Variants in WARS2 observed in about 807,000 individuals in gnomAD.
WARS2 encodes tryptophan--tRNA ligase, mitochondrial.
WARS2 carries 28 observed loss-of-function variants against 36.5 expected under a neutral mutation model. That is an observed-to-expected ratio of 0.77 (90% CI 0.57 to 1.05). WARS2 has a LOEUF of 1.05. Ranked by LOEUF, WARS2 falls within the 50% of genes least tolerant of loss-of-function variation. WARS2 has a pLI of 0.00. For synonymous variants in WARS2, 174 were observed against 178.4 expected, an observed-to-expected ratio of 0.98 and a Z score of 0.20; for missense variants, 435 against 456.8, an observed-to-expected ratio of 0.95 and a Z score of 0.44.
At chr1:119,111,249 A>C (rs1393357511) in intron 1 of WARS2, among the ~76,000 whole-genome samples, 1 of 152,176 alleles carries the variant, frequency 6.6e-6, no homozygotes, top group Non-Finnish European at 1.5e-5. Context: ...TTCAGTAAAC[A>C]GGCTTTTAAT....
intron 1 of WARS2, among the ~76,000 whole-genome samples, chr1:119,112,118 C>A (rs965400105): frequency 4.6e-5 from 7 of 152,060 alleles, no homozygotes; most frequent in Admixed American, 3.3e-4. Flanking sequence ...GACGGGGTTT[C>A]ACCATGTTGG....
At chr1:119,038,138 A>C (rs1350210055) in intron 4 of WARS2, among the ~76,000 whole-genome samples, 1 of 152,186 alleles carries the variant, frequency 6.6e-6, no homozygotes, top group Non-Finnish European at 1.5e-5. Flanking sequence ...TGCAGCCTGG[A>C]AACTACATTT....
At chr1:119,112,939 T>A (rs12727037) in intron 1 of WARS2, among the ~76,000 whole-genome samples, 5,876 of 152,230 alleles carry the variant, frequency 0.039, 125 homozygotes, top group Middle Eastern at 0.061. Context: ...AGAGTATTTG[T>A]AAGGCAGTGA....
chr1:119,105,339 C>T (rs1309002569), intron 1 of WARS2, among the ~76,000 whole-genome samples: 1 of 152,118 alleles, frequency 6.6e-6, no homozygotes, highest in Non-Finnish European at 1.5e-5. Context: ...GTCTTCTATA[C>T]ACAAATGTTA....
At chr1:119,138,737 AG>A (rs1260214007) in intron 1 of WARS2, among the ~76,000 whole-genome samples, 2 of 152,196 alleles carry the variant, frequency 1.3e-5, no homozygotes, top group African/African-American at 4.8e-5. Context: ...AATTATATGT[AG>A]ATTTATACTT....
At chr1:119,052,614 C>A (rs771854893) in intron 2 of WARS2, among the ~76,000 whole-genome samples, 1 of 152,206 alleles carries the variant, frequency 6.6e-6, no homozygotes, top group African/African-American at 2.4e-5. Context: ...TAAGTAGCTT[C>A]TGTCAGGCTG....
chr1:119,122,487 T>G (rs1655390112), intron 1 of WARS2, among the ~76,000 whole-genome samples: 1 of 152,172 alleles, frequency 6.6e-6, no homozygotes, highest in African/African-American at 2.4e-5. Context: ...ACTATGAAGA[T>G]TCCTTAAAGA....
At chr1:119,081,883 C>T (rs909588846) in intron 1 of WARS2, among the ~76,000 whole-genome samples, 2 of 152,172 alleles carry the variant, frequency 1.3e-5, no homozygotes, top group Non-Finnish European at 2.9e-5. Context: ...CAGCATTGTT[C>T]TGCTACAGTC....
chr1:119,045,184 T>C (rs1215954589), intron 3 of WARS2, among the ~76,000 whole-genome samples: 1 of 152,210 alleles, frequency 6.6e-6, no homozygotes, highest in African/African-American at 2.4e-5. Flanking sequence ...TTAAATAAAA[T>C]ATGTTGTCTC....
At chr1:119,044,063 C>T (rs1187523628) in intron 3 of WARS2, among the ~76,000 whole-genome samples, 2 of 152,132 alleles carry the variant, frequency 1.3e-5, no homozygotes, top group Admixed American at 6.5e-5. Context: ...ATAAGTCTCA[C>T]GAAGGGGGTT....
At chr1:119,060,089 T>C (rs1477991262) in intron 2 of WARS2, among the ~76,000 whole-genome samples, 3 of 151,986 alleles carry the variant, frequency 2.0e-5, no homozygotes, top group Non-Finnish European at 4.4e-5. Flanking sequence ...AACTTAAAAG[T>C]TTAAAAGATA....
At chr1:119,079,983 G>A (rs1392486687) in intron 1 of WARS2, among the ~76,000 whole-genome samples, 1 of 152,132 alleles carries the variant, frequency 6.6e-6, no homozygotes, top group Non-Finnish European at 1.5e-5. Context: ...GAGAGAGAGA[G>A]AAGTTAGCAT....
chr1:119,085,314 G>A (rs1242578263), intron 1 of WARS2: 3 of 1,229,616 alleles, frequency 2.4e-6, no homozygotes, highest in Admixed American at 1.7e-5. Flanking sequence ...CCCCTCCCTG[G>A]GCACTGACTT....
intron 1 of WARS2, among the ~76,000 whole-genome samples, chr1:119,078,371 C>G (rs1344047489): frequency 6.6e-6 from 1 of 152,054 alleles, no homozygotes; most frequent in African/African-American, 2.4e-5. Flanking sequence ...AGTAGAATTG[C>G]CGAGTCATAA....
intron 1 of WARS2, among the ~76,000 whole-genome samples, chr1:119,099,253 C>G (rs772939754): frequency 6.6e-6 from 1 of 152,076 alleles, no homozygotes; most frequent in Non-Finnish European, 1.5e-5. Context: ...GACAGAAACA[C>G]AGCACAACAC....
intron 1 of WARS2, among the ~76,000 whole-genome samples, chr1:119,105,520 G>A (rs1654167309): frequency 6.6e-6 from 1 of 152,128 alleles, no homozygotes; most frequent in African/African-American, 2.4e-5. Context: ...CATACAGGTT[G>A]GTGGAGTGGG....
At chr1:119,123,708 T>C (rs1327067834) in intron 1 of WARS2, among the ~76,000 whole-genome samples, 1 of 152,170 alleles carries the variant, frequency 6.6e-6, no homozygotes, top group East Asian at 1.9e-4. Context: ...ATCTGGATAA[T>C]ACTATCTTGT....
intron 2 of WARS2, among the ~76,000 whole-genome samples, chr1:119,065,650 A>G (rs1300870155): frequency 1.3e-5 from 2 of 151,140 alleles, no homozygotes; most frequent in Non-Finnish European, 2.9e-5. Context: ...AAAAAAAAAA[A>G]AGGAAATAAA....
chr1:119,102,765 T>TACCC (rs1241850650), intron 1 of WARS2, among the ~76,000 whole-genome samples: 1 of 152,190 alleles, frequency 6.6e-6, no homozygotes, highest in Non-Finnish European at 1.5e-5. Flanking sequence ...CCCACAGAAT[T>TACCC]ACTAAAGCTC....
Sources: allele counts gnomAD v4.1 joint callset (sites outside exome capture counted in the v4.1 genomes callset), GRCh38; gene constraint gnomAD v4.1.1; transcripts MANE v1.5; gene names NCBI Gene and HGNC (gene_info 2026-07-23, HGNC 2026-07-21).